The following TSC22D4 variants were observed in gnomAD, a reference collection of about 807,000 sequenced individuals.
TSC22D4 encodes the protein TSC22 domain family protein 4.
TSC22D4 carries 5 observed loss-of-function variants against 24.9 expected under a neutral mutation model. The observed-to-expected ratio is 0.20, with a 90% CI of 0.10 to 0.42. The LOEUF (loss-of-function observed/expected upper bound fraction) is 0.42, where lower values mean the gene tolerates loss of function less well. Among genes scored for constraint, TSC22D4 ranks in the 10% least tolerant of loss-of-function variants. TSC22D4 has a pLI of 1.00. For synonymous variants in TSC22D4, 245 were observed against 243.2 expected, an observed-to-expected ratio of 1.01 and a Z score of -0.07; for missense variants, 469 against 547.9, an observed-to-expected ratio of 0.86 and a Z score of 1.44.
In TSC22D4 at chr7:100,478,056, G is replaced by A. The variant is rs913653380; in HGVS notation, c.-18C>T. The A allele has an allele frequency of 1.2e-5, 19 of 1,582,116 alleles. No homozygotes were observed. Among genetic ancestry groups the A allele is most frequent in the Middle Eastern group, 2.3e-4 (1 of 4,380 alleles). ...CCGCTCATGGTCCCTGGGGCTCAGG[G>A]CTGGGCCAAGGTTGGGGGTGGGTTG... On this transcript the variant is annotated 5_prime_UTR_variant, in exon 2 of 5. Transcript: ENST00000300181.
In TSC22D4 at chr7:100,471,122, G is replaced by A. The variant is rs1799382965; in HGVS notation, c.929+3152C>T. ...CCTGCACACTCTCCAGTGGGTTCAG[G>A]GGATCCCCCAGGGCCTAGGTCTGGG... On this transcript the variant is annotated intron_variant, in intron 3 of 4. Coordinates refer to ENST00000300181, the MANE Select transcript of TSC22D4 (RefSeq NM_030935.5). 2.6e-5 allele frequency among the ~76,000 whole-genome samples: 4 copies of A among 152,184 alleles called. No individual in the cohort carries two copies. In the South Asian group the frequency reaches 8.3e-4, roughly 32 times the overall value.
Position 100,469,213 on chromosome 7 carries a change from G to A in TSC22D4, c.930-1613C>T, listed in dbSNP as rs1223851956. On this transcript the variant is annotated intron_variant, in intron 3 of 4. Transcript: ENST00000300181. ...CTGAATTCCAGCCTGGACAACAAGA[G>A]CAAAACTCTGTCTTAAAAAAAAAAA... 7.6e-5 allele frequency among the ~76,000 whole-genome samples: 11 copies of A among 144,880 alleles called. 1 individual carries two copies. Among genetic ancestry groups the A allele is most frequent in the Admixed American group, 3.4e-4 (5 of 14,532 alleles).
chr7:100,476,986 A>G (rs947527742), intron 2 of TSC22D4, among the ~76,000 whole-genome samples: 3 of 152,162 alleles, frequency 2.0e-5, no homozygotes, highest in Non-Finnish European at 4.4e-5. Context: ...CCAAGACAGA[A>G]GAAGGCCTGA....
intron 3 of TSC22D4, among the ~76,000 whole-genome samples, chr7:100,468,705 G>A (rs747721291): frequency 2.0e-5 from 3 of 152,198 alleles, no homozygotes; most frequent in Non-Finnish European, 2.9e-5. Context: ...GGGAGGCCAA[G>A]GTGGGTGTAT....
chr7:100,478,157 T>G lies in TSC22D4; in HGVS notation c.-119A>C, dbSNP rs1799546084. The stretch of plus-strand genomic sequence containing the variant: ...GGGGACATCCGAGCCCCTGGGGACG[T>G]CTGGGTCCGACATGGCAGGAGGGCC... On this transcript the variant is annotated 5_prime_UTR_variant, in exon 2 of 5. Transcript: ENST00000300181. 1 of 883,496 alleles carries G rather than the reference T, an allele frequency of 1.1e-6. No individual in the cohort carries two copies. Among genetic ancestry groups the G allele is most frequent in the Non-Finnish European group, 1.7e-6 (1 of 598,332 alleles). 54.7% of individuals were successfully genotyped at this position (883,496 alleles called of 1,614,324 possible). A position where few individuals can be genotyped will look rare whatever the true frequency, so the allele number is the denominator to read the frequency against.
Position 100,474,478 on chromosome 7 carries a change from G to T in TSC22D4, c.763-38C>A, listed in dbSNP as rs1799455923. On this transcript the variant is annotated intron_variant, in intron 2 of 4. Coordinates refer to ENST00000300181, the MANE Select transcript of TSC22D4 (RefSeq NM_030935.5). This position sits in a 1 kb window ranked among gnomAD's most constrained non-coding sequence, Gnocchi z 4.3. ...AGGTAGGAACCATCACATGAAAAGA[G>T]AAAAGAAAGGAACCAGCTGCCTTAA... The T allele has an allele frequency of 1.2e-6, 2 of 1,610,132 alleles. No individual in the cohort carries two copies. Among genetic ancestry groups the T allele is most frequent in the Non-Finnish European group, 1.7e-6 (2 of 1,178,146 alleles).
Position 100,477,550 on chromosome 7 carries a change from G to A in TSC22D4, c.489C>T (p.Ala163=), listed in dbSNP as rs1369087040. 6.4e-7 allele frequency: 1 copy of A among 1,570,630 alleles called. No individual in the cohort carries two copies. The highest frequency in any genetic ancestry group is 8.6e-7 in the Non-Finnish European group (1 of 1,158,854). The part of the protein sequence containing the change: ...RPPPTSPGPQ[A]RSFTGGLGQL... ...GGCCCAGTCCCCCAGTGAAGGAGCG[G>A]GCCTGAGGTCCAGGAGAGGTGGGGG... The change falls in exon 2 of 5, where the codon GCC becomes GCT. Residue 163 remains alanine (A), a synonymous_variant. Coordinates refer to ENST00000300181, the MANE Select transcript of TSC22D4 (RefSeq NM_030935.5). The surrounding 1 kb of genome is among the most constrained non-coding windows in gnomAD (Gnocchi z 7.8).
At chr7:100,467,491 T>A in intron 4 of TSC22D4, 61 bp downstream of exon 4, 2 of 1,557,900 alleles carry the variant, frequency 1.3e-6, no homozygotes, top group Non-Finnish European at 1.8e-6. Flanking sequence ...AGGACAGGGC[T>A]GGGGCAGAGG....
At chr7:100,467,791 G>A in intron 3 of TSC22D4, 191 bp from the exon 4 acceptor site, 1 of 704,788 alleles carries the variant, frequency 1.4e-6, no homozygotes, top group Non-Finnish European at 2.6e-6. Flanking sequence ...GTGGGGCGGG[G>A]GCCCAGATGT....
At chr7:100,471,339 C>G (rs1455101774) in intron 3 of TSC22D4, among the ~76,000 whole-genome samples, 1 of 152,170 alleles carries the variant, frequency 6.6e-6, no homozygotes, top group Non-Finnish European at 1.5e-5. Flanking sequence ...GCCTGGGACA[C>G]AGGCATCCCA....
Position 100,468,113 on chromosome 7 carries a change from C to A in TSC22D4, c.930-513G>T, listed in dbSNP as rs376662204. 66 of 349,772 alleles carry A rather than the reference C, an allele frequency of 1.9e-4. No individual in the cohort carries two copies. The Middle Eastern group carries it at 2.4e-3, about 13-fold the overall frequency. The allele number at this position is 349,772 out of a possible 1,614,324, so 21.7% of individuals were successfully genotyped here. Reference sequence around the variant, plus strand: ...GGCCTGAAAGATATACACCACCCCCCCAAGGGCAAGGCCTGGCTGCTATTG... The same window carrying A: ...GGCCTGAAAGATATACACCACCCCCACAAGGGCAAGGCCTGGCTGCTATTG... On this transcript the variant is annotated intron_variant, in intron 3 of 4. Transcript: ENST00000300181.
intron 2 of TSC22D4, among the ~76,000 whole-genome samples, chr7:100,476,431 C>T (rs531810858): frequency 8.5e-5 from 13 of 152,212 alleles, no homozygotes; most frequent in South Asian, 6.2e-4. Context: ...CCCAGACCTC[C>T]GAGGTGTTAT....
chr7:100,473,344 C>A (rs564151051), intron 3 of TSC22D4, among the ~76,000 whole-genome samples: 1 of 152,134 alleles, frequency 6.6e-6, no homozygotes, highest in Non-Finnish European at 1.5e-5. Context: ...CAGGATGTCA[C>A]GCTCCACAGG....
At position 100,477,866 on chromosome 7, in the gene TSC22D4, G is replaced by A; in HGVS notation, c.173C>T (p.Pro58Leu). ...CCCAGGTGGTGGGGAGCCATTCCGG[G>A]GGGTGCCCTTGCCCCCCGGATCGGG... is the stretch of plus-strand genomic sequence containing the variant. ...PSPDPGGKGT[P>L]RNGSPPPGAP... The change falls in exon 2 of 5, where the codon CCC becomes CTC. Residue 58 changes from proline (P) to leucine (L), a missense_variant. Pro to Leu is a moderately conservative substitution (Grantham distance 98). Transcript: ENST00000300181. This position sits in a 1 kb window ranked among gnomAD's most constrained non-coding sequence, Gnocchi z 7.8. The A allele has an allele frequency of 6.3e-7, 1 of 1,589,488 alleles. No individual in the cohort carries two copies. Among genetic ancestry groups the A allele is most frequent in the Non-Finnish European group, 8.5e-7 (1 of 1,170,076 alleles).
At position 100,478,322 on chromosome 7, in the gene TSC22D4, G is replaced by GGA. The variant is rs1312638659; in HGVS notation, c.-269-17_-269-16dup. On this transcript the variant is annotated splice_polypyrimidine_tract_variant and intron_variant, in intron 1 of 4. Coordinates refer to ENST00000300181, the MANE Select transcript of TSC22D4 (RefSeq NM_030935.5). Reference sequence around the variant, plus strand: ...GAGTTTGCAAACTGGAAAAAGAGGGGGAGAGAGAGAGAGAGAGAGAGAGAG... The same window carrying GGA: ...GAGTTTGCAAACTGGAAAAAGAGGGGGAGAGAGAGAGAGAGAGAGAGAGAGAG... 0.04 allele frequency: 7,982 copies of GGA among 199,178 alleles called. 414 individuals carry two copies. The highest frequency in any genetic ancestry group is 0.06 in the Admixed American group (674 of 11,294). 12.3% of individuals were successfully genotyped at this position (199,178 alleles called of 1,614,324 possible). A position where few individuals can be genotyped will look rare whatever the true frequency, so the allele number is the denominator to read the frequency against.
At position 100,478,285 on chromosome 7, in the gene TSC22D4, A is replaced by T. The variant is rs1288999440; in HGVS notation, c.-247T>A. On this transcript the variant is annotated 5_prime_UTR_variant, in exon 2 of 5. Transcript: ENST00000300181. The stretch of plus-strand genomic sequence containing the variant: ...GTTTTTCCTGCTGCTGTTGCTGCTG[A>T]ACTCCAGAGCTGAGTTTGCAAACTG... 1 of 491,834 alleles carries T rather than the reference A, an allele frequency of 2.0e-6. No homozygotes were observed. The highest frequency in any genetic ancestry group is 3.6e-6 in the Non-Finnish European group (1 of 275,796). 30.5% of individuals were successfully genotyped at this position (491,834 alleles called of 1,614,324 possible). A position where few individuals can be genotyped will look rare whatever the true frequency, so the allele number is the denominator to read the frequency against.
intron 3 of TSC22D4, among the ~76,000 whole-genome samples, chr7:100,473,454 T>G (rs1460249378): frequency 6.6e-6 from 1 of 151,932 alleles, no homozygotes. Flanking sequence ...TTGTTGTTTT[T>G]TTTTTGAGGC....
intron 3 of TSC22D4, chr7:100,473,764 A>AT (rs1199059688): frequency 2.5e-4 from 27 of 108,732 alleles, no homozygotes; most frequent in South Asian, 1.3e-3. Flanking sequence ...GTATATATAT[A>AT]TATATTTTTT....
chr7:100,468,411 C>T (rs987418727), intron 3 of TSC22D4, among the ~76,000 whole-genome samples: 43 of 152,214 alleles, frequency 2.8e-4, no homozygotes, highest in Non-Finnish European at 5.3e-4. Context: ...CTGTCCCCTC[C>T]GTCACTCAAG....
Sources: allele counts gnomAD v4.1 joint callset (sites outside exome capture counted in the v4.1 genomes callset), GRCh38; gene constraint gnomAD v4.1.1; non-coding constraint Gnocchi (gnomAD v3.1); transcripts MANE v1.5; gene names NCBI Gene and HGNC (gene_info 2026-07-23, HGNC 2026-07-21).